Variants in NECAB1 observed in about 807,000 individuals in gnomAD.
The protein encoded by NECAB1 is N-terminal EF-hand calcium binding protein 1, also known as N-terminal EF-hand calcium-binding protein 1.
Under a neutral mutation model 57.5 loss-of-function variants are expected in NECAB1, and 29 were observed. The observed-to-expected ratio is 0.50, with a 90% confidence interval of 0.38 to 0.69. The LOEUF is 0.69. Among genes scored for constraint, NECAB1 ranks in the 30% least tolerant of loss-of-function variants. NECAB1 has a pLI of 0.00. For missense variants in NECAB1, 372 were observed against 413.8 expected, an observed-to-expected ratio of 0.90 and a Z score of 0.88; for synonymous variants, 142 against 147.7, an observed-to-expected ratio of 0.96 and a Z score of 0.28.
At chr8:90,813,641 G>A (rs886352427) in intron 2 of NECAB1, among the ~76,000 whole-genome samples, 1 of 151,848 alleles carries the variant, frequency 6.6e-6, no homozygotes, top group Non-Finnish European at 1.5e-5. Flanking sequence ...GATCCTCCTT[G>A]TCAGCCTATT....
At chr8:90,858,088 C>T (rs927751006) in intron 3 of NECAB1, among the ~76,000 whole-genome samples, 6 of 152,114 alleles carry the variant, frequency 3.9e-5, no homozygotes, top group African/African-American at 1.4e-4. Flanking sequence ...ATTTACTTGT[C>T]AATCCTAATC....
At chr8:90,932,495 A>G (rs1810434512) in intron 8 of NECAB1, among the ~76,000 whole-genome samples, 1 of 152,212 alleles carries the variant, frequency 6.6e-6, no homozygotes, top group East Asian at 1.9e-4. Context: ...TATAATACAG[A>G]TAGGGGGTTG....
chr8:90,876,319 G>A (rs760746780), intron 4 of NECAB1, among the ~76,000 whole-genome samples: 4 of 151,998 alleles, frequency 2.6e-5, no homozygotes, highest in Non-Finnish European at 5.9e-5. Context: ...CCTCAAAATA[G>A]CCCACATTTC....
chr8:90,928,170 T>C, intron 7 of NECAB1, 53 bp from the exon 8 acceptor site: 1 of 1,341,258 alleles, frequency 7.5e-7, no homozygotes, highest in Admixed American at 1.9e-5. Context: ...ACCAAGCATT[T>C]CTTCTCTGTC....
chr8:90,947,303 T>TAC (rs71771328), intron 10 of NECAB1, among the ~76,000 whole-genome samples: 14,162 of 78,040 alleles, frequency 0.18, 1,320 homozygotes, highest in Middle Eastern at 0.23. Context: ...TAACAACACA[T>TAC]ACACACACAC....
In NECAB1 at chr8:90,797,516, C is replaced by T. The variant is rs73313009; in HGVS notation, c.100-4175C>T. Among the ~76,000 whole-genome samples, 504 of 152,122 alleles carry T rather than the reference C, an allele frequency of 3.3e-3. 4 individuals are homozygous for T. Among genetic ancestry groups the T allele is most frequent in the African/African-American group, 0.012 (484 of 41,512 alleles). On this transcript the variant is annotated intron_variant, in intron 1 of 12. Coordinates refer to ENST00000417640, the MANE Select transcript of NECAB1 (RefSeq NM_022351.5). ...TTTCAAGCTGGCCAGCAAGAAGTGA[C>T]GATCTAAATATAAGAGTAGCTCTGG...
chr8:90,798,057 T>C (rs1326124085), intron 1 of NECAB1, among the ~76,000 whole-genome samples: 1 of 152,192 alleles, frequency 6.6e-6, no homozygotes, highest in East Asian at 1.9e-4. Context: ...GAGGGGGAAC[T>C]GTATCATACT....
intron 2 of NECAB1, among the ~76,000 whole-genome samples, chr8:90,806,281 C>G (rs2129655729): frequency 6.6e-6 from 1 of 152,258 alleles, no homozygotes; most frequent in Non-Finnish European, 1.5e-5. Flanking sequence ...AATCCAGCAG[C>G]CTGCACGTAT....
At chr8:90,886,591 C>T (rs537567380) in intron 5 of NECAB1, among the ~76,000 whole-genome samples, 1 of 151,940 alleles carries the variant, frequency 6.6e-6, no homozygotes, top group South Asian at 2.1e-4. Context: ...CACTGTGTTG[C>T]CCAGGCTGGT....
intron 5 of NECAB1, among the ~76,000 whole-genome samples, chr8:90,889,495 G>A (rs1004812173): frequency 1.3e-5 from 2 of 152,168 alleles, no homozygotes; most frequent in Non-Finnish European, 2.9e-5. Context: ...AGTTGTAATC[G>A]TTATCTACTG....
intron 5 of NECAB1, among the ~76,000 whole-genome samples, chr8:90,896,656 G>C (rs994172374): frequency 6.6e-6 from 1 of 151,858 alleles, no homozygotes; most frequent in Non-Finnish European, 1.5e-5. Flanking sequence ...AAACTAATAC[G>C]TCAGTATGTT....
At chr8:90,908,479 A>C (rs1298036302) in intron 5 of NECAB1, among the ~76,000 whole-genome samples, 1 of 152,144 alleles carries the variant, frequency 6.6e-6, no homozygotes, top group African/African-American at 2.4e-5. Context: ...GAGGTGTTAA[A>C]AATTACTAAT....
intron 5 of NECAB1, among the ~76,000 whole-genome samples, chr8:90,916,878 A>G (rs1415657078): frequency 6.6e-6 from 1 of 152,198 alleles, no homozygotes; most frequent in Non-Finnish European, 1.5e-5. Flanking sequence ...CCTAGAAGTT[A>G]ATTGTCAATG....
intron 3 of NECAB1, among the ~76,000 whole-genome samples, chr8:90,848,439 C>A (rs938611210): frequency 9.9e-5 from 15 of 152,204 alleles, no homozygotes; most frequent in African/African-American, 3.6e-4. Context: ...AAAGTCACTT[C>A]CACATTTTTG....
intron 2 of NECAB1, among the ~76,000 whole-genome samples, chr8:90,811,261 A>G (rs1811955305): frequency 6.6e-6 from 1 of 152,124 alleles, no homozygotes; most frequent in Admixed American, 6.5e-5. Flanking sequence ...AAAATTGATT[A>G]ATTTTCAACA....
At chr8:90,900,505 C>T (rs1196979865) in intron 5 of NECAB1, among the ~76,000 whole-genome samples, 1 of 152,174 alleles carries the variant, frequency 6.6e-6, no homozygotes, top group Non-Finnish European at 1.5e-5. Flanking sequence ...TGCCTAAAAT[C>T]ATAGTATGAG....
At chr8:90,900,511 A>G (rs1809475515) in intron 5 of NECAB1, among the ~76,000 whole-genome samples, 1 of 152,238 alleles carries the variant, frequency 6.6e-6, no homozygotes, top group African/African-American at 2.4e-5. Flanking sequence ...AAATCATAGT[A>G]TGAGTCAATG....
At chr8:90,951,310 C>T in intron 12 of NECAB1, 106 bp downstream of exon 12, 1 of 611,872 alleles carries the variant, frequency 1.6e-6, no homozygotes, top group Non-Finnish European at 2.8e-6. Flanking sequence ...CAATGGTACT[C>T]TCTTATTTAT....
chr8:90,909,385 A>T (rs948345978), intron 5 of NECAB1, among the ~76,000 whole-genome samples: 7 of 151,966 alleles, frequency 4.6e-5, no homozygotes, highest in African/African-American at 1.7e-4. Context: ...GAAAAAAAAA[A>T]AAATGTTGCC....
Sources: allele counts gnomAD v4.1 joint callset (sites outside exome capture counted in the v4.1 genomes callset), GRCh38; gene constraint gnomAD v4.1.1; transcripts MANE v1.5; gene names NCBI Gene and HGNC (gene_info 2026-07-23, HGNC 2026-07-21).